Variants in UNC79 observed in about 807,000 individuals in gnomAD.
UNC79 encodes the protein protein unc-79 homolog.
In UNC79, 37 loss-of-function variants were observed where a neutral mutation model predicts 283.1. That is an observed-to-expected ratio of 0.13 (90% CI 0.10 to 0.17). The LOEUF is 0.17. Among genes scored for constraint, UNC79 ranks in the 10% least tolerant of loss-of-function variants. The pLI is 1.00. For missense variants in UNC79, 2,272 were observed against 3,211.1 expected (o/e 0.71, Z 7.07); for synonymous variants, 1,107 against 1,200.2 (o/e 0.92, Z 1.61).
intron 14 of UNC79, among the ~76,000 whole-genome samples, chr14:93,570,369 G>A (rs1299196045): frequency 6.6e-6 from 1 of 152,102 alleles, no homozygotes; most frequent in African/African-American, 2.4e-5. Flanking sequence ...TGTGTTCCAG[G>A]GCTTCTGAAT....
chr14:93,371,636 C>G (rs565521133), intron 1 of UNC79, among the ~76,000 whole-genome samples: 1 of 151,358 alleles, frequency 6.6e-6, no homozygotes, highest in African/African-American at 2.4e-5. Flanking sequence ...GTCAGGAGAT[C>G]GAGACCATCC....
intron 1 of UNC79, among the ~76,000 whole-genome samples, chr14:93,376,093 C>A (rs982264796): frequency 6.6e-6 from 1 of 152,150 alleles, no homozygotes; most frequent in Non-Finnish European, 1.5e-5. Flanking sequence ...AAATAAATTT[C>A]TTTTCTTATA....
At chr14:93,435,004 G>A (rs2056028170) in intron 1 of UNC79, among the ~76,000 whole-genome samples, 1 of 152,068 alleles carries the variant, frequency 6.6e-6, no homozygotes, top group African/African-American at 2.4e-5. Context: ...AGTTGAACTT[G>A]CCCCTCTCCC....
chr14:93,470,462 T>C (rs1295757310), intron 2 of UNC79, among the ~76,000 whole-genome samples: 9 of 152,232 alleles, frequency 5.9e-5, no homozygotes, highest in African/African-American at 2.2e-4. Context: ...TTTGTGTTCA[T>C]GGGCATTCCT....
chr14:93,659,134 A>G (rs970084527), intron 38 of UNC79, 59 bp from the exon 42 acceptor site: 4 of 1,387,838 alleles, frequency 2.9e-6, no homozygotes, highest in Non-Finnish European at 4.0e-6. Flanking sequence ...AACATATTTG[A>G]AGCAAAAGTT....
At chr14:93,389,418 G>A (rs1400494347) in intron 1 of UNC79, among the ~76,000 whole-genome samples, 1 of 152,152 alleles carries the variant, frequency 6.6e-6, no homozygotes, top group African/African-American at 2.4e-5. Flanking sequence ...TAATCCCTGT[G>A]AGAAGGAGAA....
rs201928468 is a variant in UNC79 at position 93,622,462 on chromosome 14, G to A, written c.5229G>A (p.Leu1743=). 5.6e-6 allele frequency: 9 copies of A among 1,614,136 alleles called. No individual in the cohort carries two copies. In the African/African-American group the frequency reaches 1.1e-4, roughly 19 times the overall value. Residue 1743 remains leucine (L), a synonymous_variant, in exon 30 of 49, where the codon CTG becomes CTA. Transcript: ENST00000555664. ...TCTCCTGCGGTAGCCCACTGACGCT[G>A]AAGCAAAAACGAGACCTCCTTCAGA...
intron 30 of UNC79, among the ~76,000 whole-genome samples, chr14:93,625,129 T>C (rs2067459874): frequency 6.6e-6 from 1 of 152,206 alleles, no homozygotes; most frequent in African/African-American, 2.4e-5. Flanking sequence ...CACATTCTCC[T>C]CTATTTCCCT....
At chr14:93,604,580 TAAC>T (rs751013678) in intron 26 of UNC79, among the ~76,000 whole-genome samples, 1 of 152,322 alleles carries the variant, frequency 6.6e-6, no homozygotes, top group East Asian at 1.9e-4. Context: ...ATTAAATAAA[TAAC>T]AAATTTTATA....
intron 1 of UNC79, among the ~76,000 whole-genome samples, chr14:93,353,856 G>C (rs1466877228): frequency 6.6e-6 from 1 of 152,176 alleles, no homozygotes; most frequent in Admixed American, 6.5e-5. Context: ...TAGAGGAGGA[G>C]ATAGACAAAC....
chr14:93,382,439 C>G (rs1050910338), intron 1 of UNC79, among the ~76,000 whole-genome samples: 7 of 152,126 alleles, frequency 4.6e-5, no homozygotes, highest in African/African-American at 1.7e-4. Flanking sequence ...GCAGAAAGGA[C>G]TGTGTATATA....
intron 1 of UNC79, among the ~76,000 whole-genome samples, chr14:93,377,482 G>A (rs138892910): frequency 1.3e-5 from 2 of 152,216 alleles, no homozygotes; most frequent in South Asian, 4.2e-4. Context: ...GAAAAGTATA[G>A]GAGAGAAGGC....
At chr14:93,407,671 A>G (rs2055254258) in intron 1 of UNC79, among the ~76,000 whole-genome samples, 1 of 152,142 alleles carries the variant, frequency 6.6e-6, no homozygotes, top group African/African-American at 2.4e-5. Flanking sequence ...AATGCAGGGG[A>G]AAAAAAGGTA....
chr14:93,481,282 A>G (rs1595583906), intron 4 of UNC79, among the ~76,000 whole-genome samples: 3 of 152,312 alleles, frequency 2.0e-5, no homozygotes, highest in Admixed American at 2.0e-4. Flanking sequence ...AAATATATTA[A>G]AGGAGTTACT....
At chr14:93,578,316 TTAAA>T (rs1470525205) in intron 18 of UNC79, among the ~76,000 whole-genome samples, 3 of 152,222 alleles carry the variant, frequency 2.0e-5, no homozygotes, top group African/African-American at 7.2e-5. Context: ...ATTGATTCTG[TTAAA>T]TAAATTGCAT....
intron 4 of UNC79, among the ~76,000 whole-genome samples, chr14:93,479,807 A>T (rs565147908): frequency 1.5e-4 from 23 of 152,088 alleles, no homozygotes; most frequent in African/African-American, 4.1e-4. Flanking sequence ...AATTAAAAAA[A>T]TTTTTTTGTA....
At chr14:93,622,181 G>A in exon 30 of UNC79, 1 of 1,614,152 alleles carries the variant, frequency 6.2e-7, no homozygotes. Context: ...CGAAGAAGAG[G>A]AGACGATGAA....
chr14:93,668,049 T>C (rs372062767), intron 40 of UNC79, among the ~76,000 whole-genome samples: 32 of 152,328 alleles, frequency 2.1e-4, no homozygotes, highest in African/African-American at 5.5e-4. Flanking sequence ...GCCAGCATTA[T>C]ATTTAATGGT....
chr14:93,629,468 A>G (rs1432978189), intron 30 of UNC79, among the ~76,000 whole-genome samples: 1 of 152,222 alleles, frequency 6.6e-6, no homozygotes, highest in African/African-American at 2.4e-5. Context: ...GTAATTTAAC[A>G]TTAGTCATTA....
Sources: allele counts gnomAD v4.1 joint callset (sites outside exome capture counted in the v4.1 genomes callset), GRCh38; gene constraint gnomAD v4.1.1; transcripts MANE v1.5; gene names NCBI Gene and HGNC (gene_info 2026-07-23, HGNC 2026-07-21).